Variants in PCSK5 observed in about 807,000 individuals in gnomAD.
The protein encoded by PCSK5 is prohormone convertase 5.
Under a neutral mutation model 233.2 loss-of-function variants are expected in PCSK5, and 129 were observed. The observed-to-expected ratio is 0.55, with a 90% CI of 0.48 to 0.64. The LOEUF is 0.64. Ranked by LOEUF, PCSK5 falls within the 30% of genes least tolerant of loss-of-function variation. The pLI, the probability that PCSK5 is intolerant of heterozygous loss-of-function variation, is 0.00. For synonymous variants in PCSK5, 825 were observed against 879.2 expected (o/e 0.94, Z 1.09); for missense variants, 2,076 against 2,430.1 (o/e 0.85, Z 3.06).
At chr9:76,003,963 T>C (rs1827368799) in intron 3 of PCSK5, among the ~76,000 whole-genome samples, 1 of 152,044 alleles carries the variant, frequency 6.6e-6, no homozygotes, top group South Asian at 2.1e-4. Context: ...AGCTGGCTAA[T>C]TTTTTTATTT....
intron 30 of PCSK5, among the ~76,000 whole-genome samples, chr9:76,311,768 C>A (rs1038125031): frequency 2.0e-5 from 3 of 152,188 alleles, no homozygotes; most frequent in Admixed American, 2.0e-4. Context: ...AAGGTCATCA[C>A]AAAGTCTGGT....
At position 75,924,836 on chromosome 9, in the gene PCSK5, G is replaced by A. The variant is rs150540535; in HGVS notation, c.193-7543G>A. Among the ~76,000 whole-genome samples the A allele has an allele frequency of 3.4e-3, 512 of 152,252 alleles. 2 individuals are homozygous for A. Among genetic ancestry groups the A allele is most frequent in the African/African-American group, 0.011 (467 of 41,528 alleles). On this transcript the variant is annotated intron_variant, in intron 1 of 37. Transcript: ENST00000674117. ...CGAACATCTTTTAGAGTAGTTAGGA[G>A]CATATGCTCTGGAATTAGGCTGCCC... is the stretch of plus-strand genomic sequence containing the variant.
intron 22 of PCSK5, 96 bp from the exon 23 acceptor site, chr9:76,238,863 G>C: frequency 1.1e-6 from 1 of 910,030 alleles, no homozygotes; most frequent in Non-Finnish European, 1.7e-6. Flanking sequence ...AAAGCACTCA[G>C]TCGCATCTTT....
At chr9:76,263,613 C>T (rs1827247885) in intron 24 of PCSK5, among the ~76,000 whole-genome samples, 1 of 151,030 alleles carries the variant, frequency 6.6e-6, no homozygotes, top group Non-Finnish European at 1.5e-5. Context: ...GAACATCACA[C>T]TCTGGGGACT....
intron 3 of PCSK5, among the ~76,000 whole-genome samples, chr9:75,992,863 A>T (rs1357028928): frequency 6.6e-6 from 1 of 152,190 alleles, no homozygotes; most frequent in Non-Finnish European, 1.5e-5. Flanking sequence ...AAAAAAATTC[A>T]TATTTGTCGA....
chr9:76,242,976 G>C (rs1174963695), intron 24 of PCSK5, among the ~76,000 whole-genome samples: 1 of 152,188 alleles, frequency 6.6e-6, no homozygotes, highest in Non-Finnish European at 1.5e-5. Flanking sequence ...TTCAGGTTCA[G>C]TGAGGATCTT....
In PCSK5 at chr9:75,891,107, C is replaced by T. The variant is rs185860620; in HGVS notation, c.-75C>T. 1 of 1,186,254 alleles carries T rather than the reference C, an allele frequency of 8.4e-7. No individual in the cohort carries two copies. The highest frequency in any genetic ancestry group is 1.1e-6 in the Non-Finnish European group (1 of 907,390). The allele number at this position is 1,186,254 out of a possible 1,614,324, so 73.5% of individuals were successfully genotyped here. ...GGGCTGCTCGCCGGGCGGCGCAGGC[C>T]GGAGAAGTTAGTTGTGCGCGCCCTT... On this transcript the variant is annotated 5_prime_UTR_variant, in exon 1 of 38. Transcript: ENST00000674117.
At chr9:76,322,804 C>T (rs1829245796) in intron 31 of PCSK5, among the ~76,000 whole-genome samples, 1 of 152,192 alleles carries the variant, frequency 6.6e-6, no homozygotes, top group Admixed American at 6.5e-5. Context: ...TTGCACTGCA[C>T]CTCCAAAGGG....
chr9:75,934,527 G>T (rs1468676687), intron 2 of PCSK5, among the ~76,000 whole-genome samples: 1 of 151,444 alleles, frequency 6.6e-6, no homozygotes, highest in Non-Finnish European at 1.5e-5. Context: ...GCTTCTCAGT[G>T]TTGGGGGTTG....
chr9:76,218,731 T>C (rs1825626937), intron 20 of PCSK5, among the ~76,000 whole-genome samples: 1 of 152,152 alleles, frequency 6.6e-6, no homozygotes, highest in African/African-American at 2.4e-5. Flanking sequence ...ATTTGATTAA[T>C]TTCACACAGC....
chr9:75,908,428 C>G (rs1822504797), intron 1 of PCSK5, among the ~76,000 whole-genome samples: 1 of 152,146 alleles, frequency 6.6e-6, no homozygotes, highest in South Asian at 2.1e-4. Context: ...TAGGTAAGGC[C>G]TTTGTCACTC....
At chr9:75,961,772 C>T (rs1432525207) in intron 2 of PCSK5, among the ~76,000 whole-genome samples, 1 of 152,194 alleles carries the variant, frequency 6.6e-6, no homozygotes, top group African/African-American at 2.4e-5. Context: ...ATATCGCCTA[C>T]ATGATGAAGT....
chr9:76,211,463 G>A (rs1825325930), intron 20 of PCSK5, among the ~76,000 whole-genome samples: 1 of 152,116 alleles, frequency 6.6e-6, no homozygotes, highest in South Asian at 2.1e-4. Context: ...TGTAAAATGG[G>A]GCTCCCATAA....
At chr9:76,051,744 C>G (rs931286902) in intron 5 of PCSK5, among the ~76,000 whole-genome samples, 1 of 152,172 alleles carries the variant, frequency 6.6e-6, no homozygotes, top group Non-Finnish European at 1.5e-5. Context: ...AGAATGACTA[C>G]TTTCTGTATA....
chr9:76,194,172 C>T (rs189895259), intron 20 of PCSK5: 1 of 152,204 alleles, frequency 6.6e-6, no homozygotes, highest in Non-Finnish European at 1.5e-5. Context: ...ATCCAGCTCC[C>T]CTGAAATTCA....
chr9:76,311,503 T>C (rs1218134175), intron 30 of PCSK5, among the ~76,000 whole-genome samples: 5 of 152,118 alleles, frequency 3.3e-5, no homozygotes, highest in South Asian at 2.1e-4. Context: ...AAATAACACC[T>C]GGTTAGTTAT....
intron 10 of PCSK5, among the ~76,000 whole-genome samples, chr9:76,134,946 GTTATAATA>G (rs2131748450): frequency 6.6e-6 from 1 of 152,116 alleles, no homozygotes; most frequent in South Asian, 2.1e-4. Context: ...AGTGACCTAA[GTTATAATA>G]AGGTTTTAAT....
intron 31 of PCSK5, among the ~76,000 whole-genome samples, chr9:76,322,053 G>A (rs991769608): frequency 2.0e-5 from 3 of 152,014 alleles, no homozygotes; most frequent in East Asian, 1.9e-4. Flanking sequence ...ATGTTTAAGC[G>A]ATTCTCCTGC....
At chr9:76,356,395 C>T (rs1830304478) in intron 37 of PCSK5, among the ~76,000 whole-genome samples, 1 of 152,192 alleles carries the variant, frequency 6.6e-6, no homozygotes, top group African/African-American at 2.4e-5. Flanking sequence ...ATCACAAAGG[C>T]TAACCCTGAC....
Sources: allele counts gnomAD v4.1 joint callset (sites outside exome capture counted in the v4.1 genomes callset), GRCh38; gene constraint gnomAD v4.1.1; transcripts MANE v1.5; gene names NCBI Gene and HGNC (gene_info 2026-07-23, HGNC 2026-07-21).